Variants in IL13RA2 observed in about 807,000 individuals in gnomAD.
IL13RA2 encodes interleukin-13 receptor subunit alpha-2.
In IL13RA2, 25 loss-of-function variants were observed where a neutral mutation model predicts 34.1. That is an observed-to-expected ratio of 0.73 (90% CI 0.53 to 1.03). IL13RA2 has a LOEUF of 1.03. Ranked by LOEUF, IL13RA2 falls within the 50% of genes least tolerant of loss-of-function variation. The pLI is 0.00. For missense variants in IL13RA2, 297 were observed against 280.9 expected (o/e 1.06, Z -0.41); for synonymous variants, 106 against 100.4 (o/e 1.06, Z -0.33).
intron 6 of IL13RA2, among the ~76,000 whole-genome samples, chrX:115,010,082 G>A (rs73569789): frequency 4.1e-3 from 453 of 111,296 alleles, no homozygotes; most frequent in African/African-American, 0.014. Context: ...TCTCATTCAC[G>A]CCTCACAATA....
intron 2 of IL13RA2, among the ~76,000 whole-genome samples, chrX:115,016,261 C>T (rs2071726751): frequency 9.0e-6 from 1 of 110,594 alleles, no homozygotes; most frequent in Non-Finnish European, 1.9e-5. Flanking sequence ...ATACTAAAAA[C>T]CAACGTATAG....
intron 2 of IL13RA2, among the ~76,000 whole-genome samples, chrX:115,016,507 T>C (rs781852354): frequency 3.5e-4 from 38 of 108,749 alleles, no homozygotes; most frequent in Non-Finnish European, 5.3e-4. Context: ...TACGCCAGAA[T>C]TTGGTCTAAG....
chrX:115,010,994 A>G (rs781820994), intron 5 of IL13RA2, among the ~76,000 whole-genome samples, 166 bp from the exon 6 acceptor site: 1 of 108,200 alleles, frequency 9.2e-6, no homozygotes, highest in Non-Finnish European at 1.9e-5. Flanking sequence ...GATAAGCAAT[A>G]GGGAAAAAAC....
chrX:115,005,335 G>A lies in IL13RA2; in HGVS notation c.998-20C>T, dbSNP rs782507604. Reference sequence around the variant, plus strand: ...CTTCACCTAGGATTAAAAATCACACGGAAAGGGGAAGTGTTAGACATTTGC... The same window carrying A: ...CTTCACCTAGGATTAAAAATCACACAGAAAGGGGAAGTGTTAGACATTTGC... On this transcript the variant is annotated intron_variant, in intron 8 of 9. Coordinates refer to ENST00000243213, the MANE Select transcript of IL13RA2 (RefSeq NM_000640.3). The A allele has an allele frequency of 1.1e-5, 8 of 704,651 alleles. No individual in the cohort carries two copies. The East Asian group carries it at 2.5e-4, about 22-fold the overall frequency. The allele number at this position is 704,651 out of a possible 1,213,427, so 58.1% of individuals were successfully genotyped here. A position where few individuals can be genotyped will look rare whatever the true frequency, so the allele number is the denominator to read the frequency against.
At chrX:115,011,745 C>T (rs2071706637) in intron 5 of IL13RA2, among the ~76,000 whole-genome samples, 1 of 112,157 alleles carries the variant, frequency 8.9e-6, no homozygotes, top group African/African-American at 3.2e-5. Context: ...CCAGGCTTAA[C>T]TCCATACAGA....
chrX:115,007,995 C>T lies in IL13RA2; in HGVS notation c.934G>A (p.Val312Met). 9.0e-6 allele frequency: 10 copies of T among 1,113,182 alleles called. No individual in the cohort carries two copies. The highest frequency in any genetic ancestry group is 1.1e-5 in the Non-Finnish European group (9 of 806,998). The allele number at this position is 1,113,182 out of a possible 1,213,427, so 91.7% of individuals were successfully genotyped here. ...RQLCFVVRSKVNIYCSDDGIW... is the reference protein window; with the variant it reads ...RQLCFVVRSKMNIYCSDDGIW... ...CCGTCATCTGAGCAATAAATATTCA[C>T]TTTGCTTCTTACTACAAAGCATAAT... Residue 312 changes from valine to methionine, a missense_variant, in exon 8 of 10, where the codon GTG becomes ATG. Val to Met is a conservative substitution (Grantham distance 21). Coordinates refer to ENST00000243213, the MANE Select transcript of IL13RA2 (RefSeq NM_000640.3).
At chrX:115,014,879 A>G (rs1182410982) in intron 3 of IL13RA2, among the ~76,000 whole-genome samples, 2 of 111,824 alleles carry the variant, frequency 1.8e-5, no homozygotes, top group Non-Finnish European at 3.8e-5. Flanking sequence ...CAAATAGATA[A>G]TTTTCATATA....
chrX:115,012,969 A>G (rs1188546471), intron 5 of IL13RA2, among the ~76,000 whole-genome samples: 2 of 111,360 alleles, frequency 1.8e-5, no homozygotes, highest in African/African-American at 3.3e-5. Context: ...CACGGGTGAG[A>G]AAAAAATGTA....
chrX:115,017,290 T>G lies in IL13RA2; in HGVS notation c.-21A>C, dbSNP rs1490442372. The G allele has an allele frequency of 4.6e-6, 3 of 654,730 alleles. No individual in the cohort carries two copies. In the Admixed American group the frequency reaches 6.9e-5, roughly 15 times the overall value. The allele number at this position is 654,730 out of a possible 1,213,427, so 54.0% of individuals were successfully genotyped here. Reference sequence around the variant, plus strand: ...GCCATTTCTCCGAGATTTAAAACCTTGATATTGCCTCTCTATGAAGGAAAA... The same window carrying G: ...GCCATTTCTCCGAGATTTAAAACCTGGATATTGCCTCTCTATGAAGGAAAA... On this transcript the variant is annotated 5_prime_UTR_variant, in exon 2 of 10. Transcript: ENST00000243213.
chrX:115,016,741 TTAAA>T (rs2071729682), intron 2 of IL13RA2, among the ~76,000 whole-genome samples: 1 of 106,890 alleles, frequency 9.4e-6, no homozygotes, highest in Non-Finnish European at 1.9e-5. Flanking sequence ...AATTGAAAAA[TTAAA>T]TAATTCTAAT....
intron 5 of IL13RA2, among the ~76,000 whole-genome samples, chrX:115,012,094 C>A (rs2147587119): frequency 8.9e-6 from 1 of 112,240 alleles, no homozygotes; most frequent in African/African-American, 3.2e-5. Context: ...GATTAGAACC[C>A]AGATCTCAGG....
chrX:115,006,257 A>G (rs2071684702), intron 8 of IL13RA2, among the ~76,000 whole-genome samples: 2 of 112,344 alleles, frequency 1.8e-5, no homozygotes, highest in Admixed American at 9.5e-5. Flanking sequence ...TGAAGAGGAC[A>G]TACTTTTATT....
intron 3 of IL13RA2, among the ~76,000 whole-genome samples, chrX:115,015,192 A>G (rs782019357): frequency 1.8e-5 from 2 of 111,932 alleles, no homozygotes; most frequent in East Asian, 2.8e-4. Flanking sequence ...TGTTGAGTAT[A>G]TAAGTAGTTA....
At position 115,008,047 on chromosome X, in the gene IL13RA2, G is replaced by T; in HGVS notation, c.882C>A (p.Thr294=). 1 of 1,159,646 alleles carries T rather than the reference G, an allele frequency of 8.6e-7. No homozygotes were observed. The highest frequency in any genetic ancestry group is 1.2e-6 in the Non-Finnish European group (1 of 851,185). ...GTCGGGTTTCATTTGTTGTTTTCAA[G>T]GTGTATGTTTCATTTTCAACTGTAG... ...VTATVENETY[T]LKTTNETRQL... is the part of the protein sequence containing the mutation. Residue 294 remains threonine, a synonymous_variant, in exon 8 of 10, where the codon ACC becomes ACA. Coordinates refer to ENST00000243213, the MANE Select transcript of IL13RA2 (RefSeq NM_000640.3).
chrX:115,011,947 C>T (rs1440400521), intron 5 of IL13RA2, among the ~76,000 whole-genome samples: 1 of 111,956 alleles, frequency 8.9e-6, no homozygotes. Flanking sequence ...TTAAAAGATG[C>T]TTAATATTTG....
intron 5 of IL13RA2, among the ~76,000 whole-genome samples, chrX:115,011,529 T>C (rs901693598): frequency 4.5e-5 from 5 of 112,337 alleles, no homozygotes; most frequent in African/African-American, 1.6e-4. Flanking sequence ...TCCTAAAGAA[T>C]AGCTTGCAAT....
At chrX:115,008,191 C>A in intron 7 of IL13RA2, 115 bp from the exon 8 acceptor site, 1 of 535,700 alleles carries the variant, frequency 1.9e-6, no homozygotes. Flanking sequence ...GCAATCTATG[C>A]ATCAAAAGAC....
intron 7 of IL13RA2, among the ~76,000 whole-genome samples, chrX:115,008,394 C>T (rs1235986329): frequency 9.0e-6 from 1 of 111,703 alleles, no homozygotes; most frequent in Non-Finnish European, 1.9e-5. Flanking sequence ...GGACTAGTGT[C>T]AAATTTCCCA....
intron 8 of IL13RA2, among the ~76,000 whole-genome samples, chrX:115,006,243 A>G (rs781934843): frequency 1.2e-4 from 14 of 112,227 alleles, no homozygotes; most frequent in Non-Finnish European, 2.6e-4. Context: ...TACAGAGTCA[A>G]TCCTGAAGAG....
Sources: allele counts gnomAD v4.1 joint callset (sites outside exome capture counted in the v4.1 genomes callset), GRCh38; gene constraint gnomAD v4.1.1; transcripts MANE v1.5; gene names NCBI Gene and HGNC (gene_info 2026-07-23, HGNC 2026-07-21).